Variants in GAS7 observed in about 807,000 individuals in gnomAD.
The protein encoded by GAS7 is growth arrest specific 7, also known as growth arrest-specific protein 7.
GAS7 carries 28 observed loss-of-function variants against 71.1 expected under a neutral mutation model. That is an observed-to-expected ratio of 0.39 (90% CI 0.29 to 0.54). GAS7 has a LOEUF of 0.54. GAS7 is among the 20% of genes least tolerant of loss of function. The pLI, the probability that GAS7 is intolerant of heterozygous loss-of-function variation, is 0.62. For synonymous variants in GAS7, 258 were observed against 245.8 expected (o/e 1.05, Z -0.46); for missense variants, 436 against 627.8 (o/e 0.69, Z 3.27).
chr17:10,172,403 A>C (rs1289260389), intron 1 of GAS7, among the ~76,000 whole-genome samples: 1 of 152,222 alleles, frequency 6.6e-6, no homozygotes, highest in Non-Finnish European at 1.5e-5. Context: ...ACTGTGCATA[A>C]CACTCTGTAT....
chr17:9,941,550 G>A (rs1000703742), intron 7 of GAS7, among the ~76,000 whole-genome samples: 1 of 152,182 alleles, frequency 6.6e-6, no homozygotes, highest in African/African-American at 2.4e-5. Flanking sequence ...ACCTCTCCTG[G>A]CACTAAAGGG....
chr17:10,166,011 C>CTTT (rs11356429), intron 1 of GAS7, among the ~76,000 whole-genome samples: 1 of 143,170 alleles, frequency 7.0e-6, no homozygotes. Context: ...TTTTCTTTTT[C>CTTT]TTTTTTTTTT....
chr17:9,983,988 T>C (rs185593823), intron 2 of GAS7, among the ~76,000 whole-genome samples: 1 of 152,164 alleles, frequency 6.6e-6, no homozygotes, highest in East Asian at 1.9e-4. Flanking sequence ...TTTCCTCCTA[T>C]GTAAAATGAG....
intron 9 of GAS7, among the ~76,000 whole-genome samples, chr17:9,931,071 C>A (rs1194440038): frequency 6.6e-6 from 1 of 152,202 alleles, no homozygotes; most frequent in Non-Finnish European, 1.5e-5. Context: ...CAAGAAGAGG[C>A]TGTGTTTTCA....
At chr17:10,089,033 TG>T (rs2073552451) in intron 1 of GAS7, among the ~76,000 whole-genome samples, 1 of 151,832 alleles carries the variant, frequency 6.6e-6, no homozygotes, top group Non-Finnish European at 1.5e-5. Context: ...TGGTGGCAGG[TG>T]CCTGTAATCC....
intron 1 of GAS7, among the ~76,000 whole-genome samples, chr17:10,021,845 C>T (rs112574692): frequency 1.2e-3 from 178 of 152,220 alleles, no homozygotes; most frequent in African/African-American, 3.9e-3. Flanking sequence ...CGTGTGTGTG[C>T]GTGTGCATGC....
At chr17:9,947,466 C>T (rs902055548) in intron 5 of GAS7, among the ~76,000 whole-genome samples, 6 of 152,064 alleles carry the variant, frequency 3.9e-5, no homozygotes, top group African/African-American at 1.4e-4. Context: ...GGAAAGCGGC[C>T]GGGCGCGGTG....
intron 1 of GAS7, among the ~76,000 whole-genome samples, chr17:10,027,404 T>C (rs1342729931): frequency 6.6e-6 from 1 of 152,206 alleles, no homozygotes; most frequent in African/African-American, 2.4e-5. Context: ...CAGCTCTTAA[T>C]GGATCTATTG....
At chr17:10,087,272 C>A (rs1174345047) in intron 1 of GAS7, among the ~76,000 whole-genome samples, 1 of 152,210 alleles carries the variant, frequency 6.6e-6, no homozygotes, top group Non-Finnish European at 1.5e-5. Context: ...GCCCTCCCCA[C>A]AATGACCAGA....
chr17:10,037,609 T>C (rs2072779636), intron 1 of GAS7, among the ~76,000 whole-genome samples: 1 of 152,056 alleles, frequency 6.6e-6, no homozygotes, highest in South Asian at 2.1e-4. Flanking sequence ...AGACCAGAGC[T>C]AAGCTGTTGT....
chr17:9,978,400 G>A (rs781585640), intron 3 of GAS7, among the ~76,000 whole-genome samples: 2 of 150,238 alleles, frequency 1.3e-5, no homozygotes, highest in Non-Finnish European at 3.0e-5. Flanking sequence ...AGTGGCTCAT[G>A]TCTGTAATTT....
chr17:10,062,979 T>A (rs1015689894), intron 1 of GAS7, among the ~76,000 whole-genome samples: 2 of 152,182 alleles, frequency 1.3e-5, no homozygotes, highest in African/African-American at 4.8e-5. Flanking sequence ...GGGAGCTCCA[T>A]CCACACTGTG....
In GAS7 at chr17:10,176,678, G is replaced by A. The variant is rs576020477; in HGVS notation, c.183+21530C>T. The stretch of plus-strand genomic sequence containing the variant: ...CAGCTGTCCCTGCAGCAGCCCTACT[G>A]AGAAGGAGATGAGGAGAGAGGACCA... On this transcript the variant is annotated intron_variant, in intron 1 of 13. Transcript: ENST00000432992. Among the ~76,000 whole-genome samples the A allele has an allele frequency of 3.9e-5, 6 of 152,310 alleles. 1 individual carries two copies. The highest frequency in any genetic ancestry group is 1.2e-4 in the African/African-American group (5 of 41,564).
chr17:10,040,383 G>A (rs1209419704), intron 1 of GAS7, among the ~76,000 whole-genome samples: 1 of 152,176 alleles, frequency 6.6e-6, no homozygotes, highest in African/African-American at 2.4e-5. Flanking sequence ...ATCAGATCAT[G>A]GGAGGCCATG....
chr17:10,108,539 T>G (rs1199544338), intron 1 of GAS7, among the ~76,000 whole-genome samples: 5 of 152,254 alleles, frequency 3.3e-5, no homozygotes, highest in African/African-American at 9.6e-5. Context: ...TGAAAAAGTT[T>G]CAGATTTTGG....
chr17:10,067,013 G>A (rs566183223), intron 1 of GAS7, among the ~76,000 whole-genome samples: 1 of 152,204 alleles, frequency 6.6e-6, no homozygotes. Flanking sequence ...CAAGGATCAA[G>A]TGAGTTAATA....
Position 10,161,085 on chromosome 17 carries a change from G to A in GAS7, c.183+37123C>T, listed in dbSNP as rs146866442. Among the ~76,000 whole-genome samples, 335 of 152,194 alleles carry A rather than the reference G, an allele frequency of 2.2e-3. 6 individuals carry two copies. In the South Asian group the frequency reaches 0.05, roughly 23 times the overall value. On this transcript the variant is annotated intron_variant, in intron 1 of 13. Coordinates refer to ENST00000432992, the MANE Select transcript of GAS7 (RefSeq NM_201433.2). ...GCACTTGAACAAGGGTCGCGGCTCCGTTTTGTTTGTTTGTTTGCGGTTTTT... is the reference window on the plus strand; with the variant it reads ...GCACTTGAACAAGGGTCGCGGCTCCATTTTGTTTGTTTGTTTGCGGTTTTT...
Position 10,056,838 on chromosome 17 carries a change from G to A in GAS7, c.184-36941C>T, listed in dbSNP as rs371076443. ...CTTTCCACGGTCTCCCTCTGATGCC[G>A]AGCCGAAGCTAGACTGTACTGCCGC... On this transcript the variant is annotated intron_variant, in intron 1 of 13. Transcript: ENST00000432992. Among the ~76,000 whole-genome samples the A allele has an allele frequency of 2.3e-3, 346 of 152,062 alleles. 1 individual carries two copies. Among genetic ancestry groups the A allele is most frequent in the African/African-American group, 7.5e-3 (310 of 41,452 alleles).
At chr17:10,056,872 C>G (rs1029934921) in intron 1 of GAS7, among the ~76,000 whole-genome samples, 4 of 152,190 alleles carry the variant, frequency 2.6e-5, no homozygotes, top group Admixed American at 2.0e-4. Context: ...GCCATCTCGA[C>G]TCACTGCAAC....
Sources: gnomAD v4.1 joint callset for allele counts (sites outside exome capture counted in the v4.1 genomes callset) on GRCh38, gnomAD v4.1.1 for gene constraint, MANE v1.5 for transcripts, NCBI Gene and HGNC (gene_info 2026-07-23, HGNC 2026-07-21) for gene names.